The following PLXDC2 variants were observed in gnomAD, a reference collection of about 807,000 sequenced individuals.
The protein encoded by PLXDC2 is plexin domain containing 2.
PLXDC2 carries 40 observed loss-of-function variants against 68.9 expected under a neutral mutation model. That is an observed-to-expected ratio of 0.58 (90% CI 0.45 to 0.76). The LOEUF (loss-of-function observed/expected upper bound fraction) is 0.76, where lower values mean the gene tolerates loss of function less well. Ranked by LOEUF, PLXDC2 falls within the 30% of genes least tolerant of loss-of-function variation. The pLI is 0.00. For missense variants in PLXDC2, 644 were observed against 661.9 expected (o/e 0.97, Z 0.30); for synonymous variants, 243 against 234.2 (o/e 1.04, Z -0.34).
intron 1 of PLXDC2, among the ~76,000 whole-genome samples, chr10:19,896,968 G>C (rs1429955561): frequency 6.6e-6 from 1 of 151,982 alleles, no homozygotes; most frequent in Non-Finnish European, 1.5e-5. Context: ...CTTGATTATT[G>C]TCTTACTCCC....
intron 1 of PLXDC2, among the ~76,000 whole-genome samples, chr10:19,886,781 A>C (rs1837854775): frequency 6.6e-6 from 1 of 152,208 alleles, no homozygotes; most frequent in African/African-American, 2.4e-5. Flanking sequence ...CCAGGGCAAT[A>C]AATAAGATTT....
intron 4 of PLXDC2, among the ~76,000 whole-genome samples, chr10:20,136,978 G>C (rs1589647964): frequency 6.6e-6 from 1 of 152,146 alleles, no homozygotes; most frequent in East Asian, 1.9e-4. Flanking sequence ...AGTGCTTGTT[G>C]CATCAGAATG....
intron 9 of PLXDC2, among the ~76,000 whole-genome samples, chr10:20,208,874 G>T (rs1234586058): frequency 6.6e-6 from 1 of 151,938 alleles, no homozygotes; most frequent in Admixed American, 6.6e-5. Context: ...ATCACATGTC[G>T]GCAGGTTGCG....
intron 1 of PLXDC2, among the ~76,000 whole-genome samples, chr10:19,863,315 C>T (rs927559676): frequency 2.6e-5 from 4 of 152,136 alleles, no homozygotes; most frequent in Admixed American, 6.6e-5. Flanking sequence ...ATATTTAGTT[C>T]TGGGAATTGT....
chr10:20,022,244 G>A (rs1835324542), intron 2 of PLXDC2, among the ~76,000 whole-genome samples: 1 of 152,212 alleles, frequency 6.6e-6, no homozygotes, highest in South Asian at 2.1e-4. Context: ...TTTCATGAGT[G>A]CTAGTTGCCA....
intron 1 of PLXDC2, among the ~76,000 whole-genome samples, chr10:19,979,847 G>A (rs147229557): frequency 8.5e-5 from 13 of 152,250 alleles, no homozygotes; most frequent in African/African-American, 2.2e-4. Flanking sequence ...CTTGCCCCTC[G>A]GCATTTCCAC....
At chr10:19,999,392 T>G (rs1477054973) in intron 1 of PLXDC2, among the ~76,000 whole-genome samples, 3 of 78,716 alleles carry the variant, frequency 3.8e-5, no homozygotes, top group East Asian at 7.9e-4. Context: ...AGGTGTTTGT[T>G]TTTTTTTTTT....
At chr10:20,107,468 A>C (rs2131745135) in intron 4 of PLXDC2, among the ~76,000 whole-genome samples, 1 of 152,324 alleles carries the variant, frequency 6.6e-6, no homozygotes, top group Non-Finnish European at 1.5e-5. Context: ...TTGGATTAAA[A>C]ATTAAAGGCA....
intron 1 of PLXDC2, among the ~76,000 whole-genome samples, chr10:19,933,609 G>A (rs1376389380): frequency 6.6e-6 from 1 of 151,806 alleles, no homozygotes; most frequent in Non-Finnish European, 1.5e-5. Flanking sequence ...CTCCAGTCTG[G>A]GTGACAGAGT....
chr10:20,266,656 T>C (rs1378587258), intron 13 of PLXDC2, among the ~76,000 whole-genome samples: 1 of 152,168 alleles, frequency 6.6e-6, no homozygotes. Context: ...TTTTCATTTG[T>C]TAGAGTAGGC....
At chr10:20,184,393 T>TTATA (rs1834651115) in intron 9 of PLXDC2, among the ~76,000 whole-genome samples, 2 of 148,062 alleles carry the variant, frequency 1.4e-5, no homozygotes, top group African/African-American at 2.4e-5. Context: ...ATATATAAAA[T>TTATA]TGTATACAAA....
At chr10:20,007,548 G>A (rs1274487834) in intron 2 of PLXDC2, among the ~76,000 whole-genome samples, 1 of 152,218 alleles carries the variant, frequency 6.6e-6, no homozygotes, top group Non-Finnish European at 1.5e-5. Flanking sequence ...CTGGATGACT[G>A]AAGAAGGGAG....
At chr10:20,266,256 G>A (rs1408269710) in intron 13 of PLXDC2, among the ~76,000 whole-genome samples, 1 of 151,584 alleles carries the variant, frequency 6.6e-6, no homozygotes, top group African/African-American at 2.4e-5. Flanking sequence ...GGACCAGGTG[G>A]ATTAAAAACC....
chr10:20,145,304 GAAACACTTTT>G (rs1165151568), intron 5 of PLXDC2, among the ~76,000 whole-genome samples: 1 of 152,102 alleles, frequency 6.6e-6, no homozygotes, highest in Non-Finnish European at 1.5e-5. Flanking sequence ...TTAAATGAAT[GAAACACTTTT>G]AAACACTGTA....
intron 12 of PLXDC2, among the ~76,000 whole-genome samples, chr10:20,228,497 G>A (rs1835315467): frequency 6.6e-6 from 1 of 152,058 alleles, no homozygotes; most frequent in Admixed American, 6.6e-5. Flanking sequence ...GGGAGGTCAA[G>A]GCTGCAGTGA....
intron 7 of PLXDC2, among the ~76,000 whole-genome samples, chr10:20,171,245 C>G (rs1305123636): frequency 6.6e-6 from 1 of 152,080 alleles, no homozygotes; most frequent in Non-Finnish European, 1.5e-5. Flanking sequence ...TTGTTATTTT[C>G]AAAGTTGTAG....
chr10:20,196,580 T>G (rs145790027), intron 9 of PLXDC2, among the ~76,000 whole-genome samples: 1 of 152,296 alleles, frequency 6.6e-6, no homozygotes, highest in East Asian at 1.9e-4. Flanking sequence ...AATAGCTTGC[T>G]GTAGATACCA....
rs748150287 is a variant in PLXDC2 at position 20,177,029 on chromosome 10, A to G, written c.914A>G (p.His305Arg). 1 of 1,611,604 alleles carries G rather than the reference A, an allele frequency of 6.2e-7. No individual in the cohort carries two copies. The highest frequency in any genetic ancestry group is 1.7e-5 in the Admixed American group (1 of 59,920). ...NVRRRTIYEY[H>R]RVELQMSKIT... is the part of the protein sequence containing the mutation. ...CGAAGAAGAACAATTTATGAATACC[A>G]CCGAGTAGAGCTACAAATGTCAAAA... Residue 305 changes from histidine to arginine, a missense_variant, in exon 8 of 14, where the codon CAC becomes CGC. By Grantham distance (29) the His-to-Arg change is conservative. Around this residue, in one of 3 missense-constraint regions of PLXDC2, gnomAD observed 330 missense variants for 327.9 expected, o/e 1.01. Transcript: ENST00000377252.
At chr10:19,912,177 G>A (rs995455351) in intron 1 of PLXDC2, among the ~76,000 whole-genome samples, 11 of 152,212 alleles carry the variant, frequency 7.2e-5, no homozygotes, top group Non-Finnish European at 1.3e-4. Context: ...AGCTATTAGA[G>A]CTGAGCTGCT....
Sources: gnomAD v4.1 joint callset for allele counts (sites outside exome capture counted in the v4.1 genomes callset) on GRCh38, gnomAD v4.1.1 for gene constraint, gnomAD v4.1.1 regional missense constraint, MANE v1.5 for transcripts, NCBI Gene and HGNC (gene_info 2026-07-23, HGNC 2026-07-21) for gene names.